The following TENM1 variants were observed in gnomAD, a reference collection of about 807,000 sequenced individuals.
TENM1 encodes teneurin transmembrane protein 1.
Under a neutral mutation model 174.8 loss-of-function variants are expected in TENM1, and 35 were observed. The observed-to-expected ratio is 0.20, with a 90% CI of 0.15 to 0.27. The LOEUF (loss-of-function observed/expected upper bound fraction) is 0.27, where lower values mean the gene tolerates loss of function less well. Among genes scored for constraint, TENM1 ranks in the 10% least tolerant of loss-of-function variants. TENM1 has a pLI of 1.00. For missense variants in TENM1, 1,633 were observed against 2,130.1 expected (o/e 0.77, Z 4.59); for synonymous variants, 781 against 798.7 (o/e 0.98, Z 0.37).
intron 23 of TENM1, among the ~76,000 whole-genome samples, chrX:124,428,138 G>A (rs956773621): frequency 7.1e-5 from 8 of 111,943 alleles, no homozygotes; most frequent in Admixed American, 6.6e-4. Flanking sequence ...TTGTGTAGCC[G>A]CCAGCTGGTG....
At chrX:125,097,830 T>G in the TENM1 span, among the ~76,000 whole-genome samples, 7 of 112,561 alleles carry the variant, frequency 6.2e-5, no homozygotes, top group Non-Finnish European at 1.1e-4. Flanking sequence ...CAAATATTGT[T>G]GCTGTCTTCA....
At chrX:124,474,354 G>A (rs2061365390) in intron 22 of TENM1, among the ~76,000 whole-genome samples, 1 of 111,123 alleles carries the variant, frequency 9.0e-6, no homozygotes, top group Admixed American at 9.6e-5. Context: ...ACTTGCCTAA[G>A]GTTAAACATT....
intron 5 of TENM1, among the ~76,000 whole-genome samples, chrX:124,697,618 G>A (rs772978448): frequency 3.6e-4 from 40 of 110,753 alleles, no homozygotes; most frequent in African/African-American, 1.2e-3. Flanking sequence ...TTGGTGACAT[G>A]AGTTATATCT....
chrX:125,041,621 A>C, the TENM1 span, among the ~76,000 whole-genome samples: 1 of 112,352 alleles, frequency 8.9e-6, no homozygotes, highest in Non-Finnish European at 1.9e-5. Flanking sequence ...CACAAGTCTT[A>C]AAAAATGGAT....
At chrX:124,786,949 T>C (rs1305366289) in intron 3 of TENM1, among the ~76,000 whole-genome samples, 1 of 111,663 alleles carries the variant, frequency 9.0e-6, no homozygotes, top group Admixed American at 9.5e-5. Flanking sequence ...ATAATGTAAC[T>C]CAATATAAAT....
intron 22 of TENM1, among the ~76,000 whole-genome samples, chrX:124,471,246 A>ATTAT (rs1358572524): frequency 1.6e-5 from 1 of 64,368 alleles, no homozygotes; most frequent in African/African-American, 6.8e-5. Context: ...TATAATATAT[A>ATTAT]ATAATATATA....
At chrX:124,406,820 C>T (rs1237398571) in intron 25 of TENM1, among the ~76,000 whole-genome samples, 5 of 111,104 alleles carry the variant, frequency 4.5e-5, no homozygotes, top group Admixed American at 3.8e-4. Flanking sequence ...CGATTTGGGT[C>T]GATCCCATTA....
At chrX:124,617,137 GGTGTTAA>G (rs1371238218) in intron 11 of TENM1, among the ~76,000 whole-genome samples, 2 of 111,643 alleles carry the variant, frequency 1.8e-5, no homozygotes, top group African/African-American at 6.5e-5. Flanking sequence ...TACTACTGAT[GGTGTTAA>G]TTAAGTTTCC....
At chrX:124,941,453 T>C (rs193143448) in intron 1 of TENM1, among the ~76,000 whole-genome samples, 76 of 111,846 alleles carry the variant, frequency 6.8e-4, no homozygotes, top group African/African-American at 2.0e-3. Flanking sequence ...TGCTACATGA[T>C]TTTGTCAATT....
the TENM1 span, among the ~76,000 whole-genome samples, chrX:125,003,429 A>G: frequency 2.7e-5 from 3 of 111,998 alleles, no homozygotes; most frequent in Non-Finnish European, 1.9e-5. Flanking sequence ...CCACCGGTAT[A>G]GAAATGATTC....
intron 10 of TENM1, among the ~76,000 whole-genome samples, chrX:124,643,636 C>T (rs1264477466): frequency 1.8e-5 from 2 of 111,802 alleles, no homozygotes; most frequent in African/African-American, 6.5e-5. Context: ...AGGCCTGGTT[C>T]AGCCTGTGGG....
chrX:125,080,783 A>T, the TENM1 span, among the ~76,000 whole-genome samples: 5 of 110,227 alleles, frequency 4.5e-5, no homozygotes, highest in East Asian at 1.1e-3. Context: ...TGAGAAAGAC[A>T]TTTTTCCAAA....
In TENM1 at chrX:124,859,214, T is replaced by C. The variant is rs183681664; in HGVS notation, c.535+35082A>G. 5.0e-3 allele frequency among the ~76,000 whole-genome samples: 559 copies of C among 111,181 alleles called. 9 individuals are homozygous for C. The highest frequency in any genetic ancestry group is 0.017 in the African/African-American group (527 of 30,604). ...GAGTATGTAGGGAAACATTTATTGC[T>C]ATTTAGTATGTACACTATTCTCAAA... On this transcript the variant is annotated intron_variant, in intron 3 of 31. Transcript: ENST00000422452.
intron 3 of TENM1, among the ~76,000 whole-genome samples, chrX:124,889,985 C>A (rs768392466): frequency 9.0e-6 from 1 of 111,583 alleles, no homozygotes; most frequent in East Asian, 2.8e-4. Context: ...GTGTGTTATT[C>A]ATCTTTCATA....
At chrX:124,508,671 G>A (rs1351191944) in intron 18 of TENM1, among the ~76,000 whole-genome samples, 1 of 112,047 alleles carries the variant, frequency 8.9e-6, no homozygotes, top group Non-Finnish European at 1.9e-5. Context: ...AAGAGGTTCC[G>A]TACAGTAAAA....
At chrX:125,188,833 G>A in the TENM1 span, among the ~76,000 whole-genome samples, 1 of 111,958 alleles carries the variant, frequency 8.9e-6, no homozygotes, top group Non-Finnish European at 1.9e-5. Context: ...CACTGTTAAT[G>A]TTGCTCAAAA....
At chrX:125,187,091 T>A in the TENM1 span, among the ~76,000 whole-genome samples, 2 of 111,456 alleles carry the variant, frequency 1.8e-5, no homozygotes, top group East Asian at 5.7e-4. Flanking sequence ...TGAAACCCGG[T>A]CTCTATTAAA....
the TENM1 span, among the ~76,000 whole-genome samples, chrX:125,076,582 T>C: frequency 9.0e-6 from 1 of 111,219 alleles, no homozygotes; most frequent in Non-Finnish European, 1.9e-5. Context: ...TTTGGTAAAA[T>C]TGCAGCTCGG....
chrX:124,454,481 G>A (rs1172165941), intron 22 of TENM1, among the ~76,000 whole-genome samples: 4 of 110,608 alleles, frequency 3.6e-5, no homozygotes, highest in African/African-American at 1.3e-4. Context: ...TTGGCTCACT[G>A]CAACCTCCGC....
Sources: gnomAD v4.1 joint callset for allele counts (sites outside exome capture counted in the v4.1 genomes callset) on GRCh38, gnomAD v4.1.1 for gene constraint, MANE v1.5 for transcripts, NCBI Gene and HGNC (gene_info 2026-07-23, HGNC 2026-07-21) for gene names.